ZNF433: variants seen among roughly 807,000 people sequenced by gnomAD.
ZNF433 encodes the protein zinc finger protein 433.
Under a neutral mutation model 10.6 loss-of-function variants are expected in ZNF433, and 12 were observed. The ratio of observed to expected loss-of-function variants is 1.13; its 90% CI spans 0.72 to 1.83. The LOEUF is 1.83. Ranked by LOEUF, ZNF433 falls within the 40% of genes most tolerant of loss-of-function variation. ZNF433 has a pLI of 0.00. For missense variants in ZNF433, 737 were observed against 798.0 expected (o/e 0.92, Z 0.92); for synonymous variants, 272 against 271.3 (o/e 1.00, Z -0.02).
At chr19:12,029,351 T>C (rs1227603651) in intron 1 of ZNF433, among the ~76,000 whole-genome samples, 1 of 151,296 alleles carries the variant, frequency 6.6e-6, no homozygotes, top group African/African-American at 2.4e-5. Flanking sequence ...GTGAAACCCC[T>C]CTCTACTAAA....
At chr19:12,027,475 G>A (rs1338009361) in intron 1 of ZNF433, among the ~76,000 whole-genome samples, 2 of 152,194 alleles carry the variant, frequency 1.3e-5, no homozygotes, top group African/African-American at 2.4e-5. Context: ...GGAACACCTG[G>A]CCCACCCAGG....
chr19:12,034,787 C>T, intron 1 of ZNF433: 1 of 453,838 alleles, frequency 2.2e-6, no homozygotes, highest in Non-Finnish European at 4.4e-6. Flanking sequence ...CCTTCTAACC[C>T]CCCTTCCACA....
chr19:12,024,467 T>C (rs777972625), intron 1 of ZNF433: 2 of 152,236 alleles, frequency 1.3e-5, no homozygotes, highest in African/African-American at 2.4e-5. Context: ...GACTTATCAA[T>C]TGAAAACATT....
At position 12,016,059 on chromosome 19, in the gene ZNF433, GA is replaced by G; in HGVS notation, c.798del (p.His267MetfsTer401). Reference protein sequence around the residue: ...CGKAFHSSTCLHAHKRTHTGE... With the variant: ...CGKAFHSSTCXHAHKRTHTGE... ...CCAGTGTGAGTTCTTTTATGAGCAT[GA>G]AGGCATGTGGAACTATGGAATGCTT... On this transcript the variant is annotated frameshift_variant, in exon 4 of 4. Transcript: ENST00000550507. LOFTEE classifies it low-confidence loss of function (END_TRUNC). The G allele has an allele frequency of 6.2e-7, 1 of 1,614,122 alleles. No homozygotes were observed. The highest frequency in any genetic ancestry group is 8.5e-7 in the Non-Finnish European group (1 of 1,180,030).
Position 12,016,657 on chromosome 19 carries a change from TC to T in ZNF433, c.200del (p.Gly67GlufsTer17), listed in dbSNP as rs1306041633. Reference protein sequence around the residue: ...ENLRRNLRIVGERLFESKEGH... With the variant: ...ENLRRNLRIVXERLFESKEGH... ...CTTCTTTACTTTCAAAGAGTCTCTC[TC>T]CCACAATTCTGTGAACAATAAGAAG... On this transcript the variant is annotated frameshift_variant, in exon 4 of 4. Transcript: ENST00000550507. LOFTEE classifies it low-confidence loss of function (END_TRUNC). The T allele has an allele frequency of 7.4e-6, 12 of 1,613,380 alleles. No homozygotes were observed. The highest frequency in any genetic ancestry group is 1.0e-5 in the Non-Finnish European group (12 of 1,179,778).
At chr19:12,031,929 TTTTC>T (rs1975051885) in intron 1 of ZNF433, among the ~76,000 whole-genome samples, 1 of 150,806 alleles carries the variant, frequency 6.6e-6, no homozygotes, top group Non-Finnish European at 1.5e-5. Flanking sequence ...TGTTTTTTTT[TTTTC>T]TTTCTCTTTT....
chr19:12,018,077 A>G (rs991755853), intron 2 of ZNF433, 89 bp downstream of exon 2: 1 of 1,426,920 alleles, frequency 7.0e-7, no homozygotes, highest in African/African-American at 1.4e-5. Flanking sequence ...ATCACTCAAC[A>G]GCATACATGA....
chr19:12,020,600 A>C (rs1382025181), intron 1 of ZNF433, among the ~76,000 whole-genome samples: 1 of 152,068 alleles, frequency 6.6e-6, no homozygotes, highest in Non-Finnish European at 1.5e-5. Flanking sequence ...GGAAAGCAGA[A>C]ATTTAGGGAT....
Position 12,015,112 on chromosome 19 carries a change from AGT to A in ZNF433, c.1744_1745del (p.Thr582TrpfsTer6), listed in dbSNP as rs753238973. 9 of 1,613,936 alleles carry A rather than the reference AGT, an allele frequency of 5.6e-6. No homozygotes were observed. Among genetic ancestry groups the A allele is most frequent in the South Asian group, 5.5e-5 (5 of 91,078 alleles). ...GCTTACATTCATAGGGTTTCTCTCC[AGT>A]GTGAGTCCTTCCATGCATTTGAAGG... Reference protein sequence around the residue: ...SHLQMHGRTHTGEKPYECKQC... With the variant: ...SHLQMHGRTHXGEKPYECKQC... On this transcript the variant is annotated frameshift_variant, in exon 4 of 4. Transcript: ENST00000550507. LOFTEE classifies it low-confidence loss of function (END_TRUNC).
chr19:12,028,603 C>G lies in ZNF433; in HGVS notation c.3+6934G>C, dbSNP rs146480179. Among the ~76,000 whole-genome samples the G allele has an allele frequency of 3.0e-4, 46 of 152,318 alleles. 1 individual carries two copies. The East Asian group carries it at 8.7e-3, about 29-fold the overall frequency. On this transcript the variant is annotated intron_variant, in intron 1 of 3. Transcript: ENST00000550507. ...ATAACTATCAGTGCACATGGAAATACCAGCAACAACCTACTGAATATAATT... is the reference window on the plus strand; with the variant it reads ...ATAACTATCAGTGCACATGGAAATAGCAGCAACAACCTACTGAATATAATT...
intron 1 of ZNF433, among the ~76,000 whole-genome samples, chr19:12,019,742 TATAAC>T (rs1330396695): frequency 3.9e-5 from 6 of 152,176 alleles, no homozygotes; most frequent in African/African-American, 1.2e-4. Context: ...ATATTAATCT[TATAAC>T]ATCCTGTCTC....
At chr19:12,022,338 T>A (rs1974537447) in intron 1 of ZNF433, 1 of 239,904 alleles carries the variant, frequency 4.2e-6, no homozygotes, top group African/African-American at 2.2e-5. Flanking sequence ...GAAACAATGC[T>A]TATCACTGGC....
In ZNF433 at chr19:12,017,929, T is replaced by C; in HGVS notation, c.138A>G (p.Lys46=). The C allele has an allele frequency of 6.3e-7, 1 of 1,581,112 alleles. No homozygotes were observed. The highest frequency in any genetic ancestry group is 8.6e-7 in the Non-Finnish European group (1 of 1,169,034). ...CTACATATATGTTCTGGGGTTTCCA[T>C]TTTTTCCCTACAACACACAACAAGG... ...TFRNLASIGK[K]WKPQNIYVEY... The change falls in exon 3 of 4, where the codon AAA becomes AAG. Residue 46 remains lysine, a synonymous_variant. Coordinates refer to ENST00000550507, the MANE Select transcript of ZNF433 (RefSeq NM_001308348.2).
intron 1 of ZNF433, among the ~76,000 whole-genome samples, chr19:12,022,484 G>T (rs2145436169): frequency 6.6e-6 from 1 of 152,186 alleles, no homozygotes; most frequent in East Asian, 1.9e-4. Context: ...CCTGGGTTAG[G>T]GTCTCCATGA....
intron 1 of ZNF433, 149 bp downstream of exon 1, chr19:12,035,388 C>T (rs1975241356): frequency 1.7e-6 from 2 of 1,154,010 alleles, no homozygotes; most frequent in Admixed American, 2.3e-5. Flanking sequence ...ACTGTGGGGC[C>T]AAGGGGACCA....
intron 1 of ZNF433, among the ~76,000 whole-genome samples, chr19:12,029,356 A>C (rs1241895109): frequency 6.6e-6 from 1 of 151,608 alleles, no homozygotes; most frequent in Non-Finnish European, 1.5e-5. Flanking sequence ...ACCCCTCTCT[A>C]CTAAAAATAC....
chr19:12,020,147 C>T (rs530463426), intron 1 of ZNF433, among the ~76,000 whole-genome samples: 17 of 152,122 alleles, frequency 1.1e-4, no homozygotes, highest in Non-Finnish European at 1.8e-4. Context: ...TGGCACATTC[C>T]TGTAATCCCA....
rs1415563479 is a variant in ZNF433, at chr19:12,017,895, T to G, written c.172A>C (p.Asn58His). ...AGTTACCTTAGGTTTCTCCTTAGAT[T>G]TTCGTACTCTACATATATGTTCTGG... ...KPQNIYVEYE[N>H]LRRNLRIVGE... Residue 58 changes from asparagine to histidine, a missense_variant, in exon 3 of 4, where the codon AAT becomes CAT. Transcript: ENST00000550507. 2 of 1,593,746 alleles carry G rather than the reference T, an allele frequency of 1.3e-6. No individual in the cohort carries two copies. The highest frequency in any genetic ancestry group is 1.7e-6 in the Non-Finnish European group (2 of 1,174,220).
At chr19:12,033,682 C>T (rs1224374330) in intron 1 of ZNF433, among the ~76,000 whole-genome samples, 9 of 149,666 alleles carry the variant, frequency 6.0e-5, no homozygotes, top group Non-Finnish European at 1.0e-4. Context: ...ATTAGCCAGG[C>T]GTGGTGACGG....
Sources: gnomAD v4.1 joint callset for allele counts (sites outside exome capture counted in the v4.1 genomes callset) on GRCh38, gnomAD v4.1.1 for gene constraint, MANE v1.5 for transcripts, NCBI Gene and HGNC (gene_info 2026-07-23, HGNC 2026-07-21) for gene names.